Variants in METTL25B observed in about 807,000 individuals in gnomAD.
METTL25B encodes methyltransferase-like protein 25B.
A neutral mutation model predicts 48.4 loss-of-function variants in METTL25B; 38 were observed. The ratio of observed to expected loss-of-function variants is 0.78; its 90% CI spans 0.61 to 1.03. The LOEUF is 1.03. Ranked by LOEUF, METTL25B falls within the 50% of genes least tolerant of loss-of-function variation. The pLI, the probability that METTL25B is intolerant of heterozygous loss-of-function variation, is 0.00. For missense variants in METTL25B, 537 were observed against 603.7 expected (o/e 0.89, Z 1.16); for synonymous variants, 230 against 254.5 (o/e 0.90, Z 0.92).
At chr1:156,733,340 C>T (rs199976773) in intron 4 of METTL25B, 37 bp from the exon 5 acceptor site, 3 of 1,611,934 alleles carry the variant, frequency 1.9e-6, no homozygotes, top group East Asian at 2.2e-5. Context: ...GGATAGGGCA[C>T]TGAACAGGGC....
At chr1:156,732,838 ATCTT>A in intron 3 of METTL25B, 143 bp from the exon 4 acceptor site, 1 of 694,834 alleles carries the variant, frequency 1.4e-6, no homozygotes. Flanking sequence ...TCACCCTTAT[ATCTT>A]TCTTTCCAAA....
chr1:156,728,818 C>T lies in METTL25B; in HGVS notation c.-287C>T, dbSNP rs1648956937. The T allele has an allele frequency of 6.6e-6, 6 of 908,966 alleles. No individual in the cohort carries two copies. The South Asian group carries it at 1.8e-4, about 28-fold the overall frequency. The allele number at this position is 908,966 out of a possible 1,614,324, so 56.3% of individuals were successfully genotyped here. A position where few individuals can be genotyped will look rare whatever the true frequency, so the allele number is the denominator to read the frequency against. On this transcript the variant is annotated 5_prime_UTR_variant, in exon 1 of 8. Transcript: ENST00000368216. ...GGCCCGCCTCGTTGTGAGCTGAGCTCAGCGGCACGCTTTTGTGGCGTCACT... is the reference window on the plus strand; with the variant it reads ...GGCCCGCCTCGTTGTGAGCTGAGCTTAGCGGCACGCTTTTGTGGCGTCACT...
At position 156,736,790 on chromosome 1, in the gene METTL25B, A is replaced by G. The variant is rs750199052; in HGVS notation, c.*37A>G. On this transcript the variant is annotated 3_prime_UTR_variant, in exon 8 of 8. Coordinates refer to ENST00000368216, the MANE Select transcript of METTL25B (RefSeq NM_015997.4). ...GAAACATCTCAGACCCCATCATCTG[A>G]AAGTGCCCAGAGAGCACAGTGGCAG... is the stretch of plus-strand genomic sequence containing the variant. 2.5e-6 allele frequency: 4 copies of G among 1,596,038 alleles called. No homozygotes were observed. Among genetic ancestry groups the G allele is most frequent in the Middle Eastern group, 2.0e-4 (1 of 5,108 alleles).
chr1:156,735,658 C>A, intron 6 of METTL25B, 67 bp from the exon 7 acceptor site: 2 of 1,357,338 alleles, frequency 1.5e-6, no homozygotes, highest in East Asian at 2.6e-5. Context: ...TAGGAACAAG[C>A]AAAGTTTAAG....
chr1:156,736,419 G>A, intron 7 of METTL25B: 1 of 541,096 alleles, frequency 1.8e-6, no homozygotes, highest in Non-Finnish European at 3.3e-6. Context: ...TGCATGTTAA[G>A]CAAGCTTCCC....
chr1:156,728,524 G>T lies in METTL25B; in HGVS notation c.-581G>T, dbSNP rs1044544979. 7.1e-6 allele frequency: 7 copies of T among 985,502 alleles called. No individual in the cohort carries two copies. Among genetic ancestry groups the T allele is most frequent in the Non-Finnish European group, 8.4e-6 (7 of 829,932 alleles). The allele number at this position is 985,502 out of a possible 1,614,324, so 61.0% of individuals were successfully genotyped here. A position where few individuals can be genotyped will look rare whatever the true frequency, so the allele number is the denominator to read the frequency against. ...GCGCGCGGGTTAGAACGCGCCAGAG[G>T]TCGGCGCGCGCACACCCGCACCGCC... On this transcript the variant is annotated 5_prime_UTR_variant, in exon 1 of 8. Transcript: ENST00000368216.
At chr1:156,733,162 T>C in intron 4 of METTL25B, 115 bp downstream of exon 4, 1 of 1,182,610 alleles carries the variant, frequency 8.5e-7, no homozygotes, top group Non-Finnish European at 1.2e-6. Flanking sequence ...CGTGGAATTT[T>C]TTTTTTCTCT....
chr1:156,736,011 A>C, intron 7 of METTL25B, 102 bp downstream of exon 7: 1 of 1,041,954 alleles, frequency 9.6e-7, no homozygotes, highest in Non-Finnish European at 1.4e-6. Context: ...CTAGCTAATC[A>C]CTGTTGTGAT....
chr1:156,736,467 C>A (rs12036794), intron 7 of METTL25B, 165 bp from the exon 8 acceptor site: 5 of 717,828 alleles, frequency 7.0e-6, no homozygotes, highest in Non-Finnish European at 9.2e-6. Context: ...GACTGCCTCC[C>A]AAGTCAGTGC....
intron 2 of METTL25B, 77 bp from the exon 3 acceptor site, chr1:156,732,204 C>T: frequency 6.2e-7 from 1 of 1,607,924 alleles, no homozygotes. Context: ...TAAGGTCTTC[C>T]TGGGCCTCGG....
intron 1 of METTL25B, among the ~76,000 whole-genome samples, chr1:156,731,385 A>T (rs1435650171): frequency 6.6e-6 from 1 of 152,056 alleles, no homozygotes; most frequent in Non-Finnish European, 1.5e-5. Context: ...TGGTCTCCCA[A>T]AGTGCTGGGA....
rs747361232 is a variant in METTL25B, at chr1:156,734,211, T to C, written c.839T>C (p.Leu280Pro). ...TCCTGCTGTCCTGAGGTGGTGGCCC[T>C]GGCCTCAGTGGGCTGCTGCTACATG... Reference protein sequence around the residue: ...HFSCCPEVVALASVGCCYMKL... With the variant: ...HFSCCPEVVAPASVGCCYMKL... Residue 280 changes from leucine (L) to proline (P), a missense_variant, in exon 6 of 8, where the codon CTG becomes CCG. Leu to Pro is a moderately conservative substitution (Grantham distance 98, BLOSUM62 -3). Transcript: ENST00000368216. The C allele has an allele frequency of 6.2e-7, 1 of 1,614,102 alleles. No homozygotes were observed. Among genetic ancestry groups the C allele is most frequent in the African/African-American group, 1.3e-5 (1 of 74,940 alleles).
chr1:156,736,477 C>G, intron 7 of METTL25B, 155 bp from the exon 8 acceptor site: 1 of 777,888 alleles, frequency 1.3e-6, no homozygotes, highest in Non-Finnish European at 2.1e-6. Context: ...CAAGTCAGTG[C>G]CTTGGGAACC....
At chr1:156,732,633 T>G (rs150012836) in intron 3 of METTL25B, among the ~76,000 whole-genome samples, 160 bp downstream of exon 3, 80 of 152,312 alleles carry the variant, frequency 5.3e-4, no homozygotes, top group Non-Finnish European at 7.4e-4. Context: ...ATGCTGGGGT[T>G]CTTTTTCATT....
In METTL25B at chr1:156,732,113, C is replaced by G; in HGVS notation, c.234C>G (p.Val78=). The G allele has an allele frequency of 6.2e-7, 1 of 1,614,144 alleles. No homozygotes were observed. The highest frequency in any genetic ancestry group is 1.7e-5 in the Admixed American group (1 of 60,022). Residue 78 remains valine, a splice_region_variant and synonymous_variant, in exon 2 of 8, where the codon GTC becomes GTG. Coordinates refer to ENST00000368216, the MANE Select transcript of METTL25B (RefSeq NM_015997.4). ...LLGMPGEGEV[V]RYRSVWPLTL... is the part of the protein sequence containing the mutation. ...GGATGCCTGGGGAAGGGGAGGTCGT[C>G]AGGTATGGGCTAGAAGGTCCCTGTG...
chr1:156,736,684 C>T lies in METTL25B; in HGVS notation c.1359C>T (p.Asn453=). The T allele has an allele frequency of 1.2e-6, 2 of 1,614,032 alleles. No individual in the cohort carries two copies. The highest frequency in any genetic ancestry group is 2.2e-5 in the South Asian group (2 of 91,088). ...TCAGTCCTGAACTCTCTCCCAGAAA[C>T]CTGGTTCTGGTGGCCACCAAGATGC... ...PIFSPELSPR[N]LVLVATKMPL... The change falls in exon 8 of 8, where the codon AAC becomes AAT. Residue 453 remains asparagine, a synonymous_variant. Coordinates refer to ENST00000368216, the MANE Select transcript of METTL25B (RefSeq NM_015997.4).
chr1:156,734,845 C>T lies in METTL25B; in HGVS notation c.1121+352C>T, dbSNP rs575899916. On this transcript the variant is annotated intron_variant, in intron 6 of 7. Transcript: ENST00000368216. ...CGCACCCGGCCTGGAGGGGAGATTTCTAACGGAGATCTTCTACCCTCACTT... is the reference window on the plus strand; with the variant it reads ...CGCACCCGGCCTGGAGGGGAGATTTTTAACGGAGATCTTCTACCCTCACTT... Among the ~76,000 whole-genome samples the T allele has an allele frequency of 1.8e-3, 17 of 9,618 alleles. No homozygotes were observed. In the Non-Finnish European group the frequency reaches 0.12, roughly 67 times the overall value. The allele number at this position is 9,618 out of a possible 152,430, so 6.3% of individuals were successfully genotyped here.
intron 6 of METTL25B, among the ~76,000 whole-genome samples, chr1:156,734,997 A>G (rs1649628372): frequency 6.6e-6 from 1 of 151,572 alleles, no homozygotes; most frequent in Non-Finnish European, 1.5e-5. Flanking sequence ...ACAAAGAAAC[A>G]TGAAGTTTTG....
intron 7 of METTL25B, 81 bp downstream of exon 7, chr1:156,735,990 ATCT>A (rs1649757646): frequency 2.4e-6 from 3 of 1,244,054 alleles, no homozygotes; most frequent in African/African-American, 1.5e-5. Flanking sequence ...CAGCCCCAAC[ATCT>A]TCTGGGCCTA....
Sources: gnomAD v4.1 joint callset for allele counts (sites outside exome capture counted in the v4.1 genomes callset) on GRCh38, gnomAD v4.1.1 for gene constraint, MANE v1.5 for transcripts, NCBI Gene and HGNC (gene_info 2026-07-23, HGNC 2026-07-21) for gene names.